LIMCH1: variants seen among roughly 807,000 people sequenced by gnomAD.
LIMCH1 encodes the protein LIM and calponin homology domains-containing protein 1.
Under a neutral mutation model 176.5 loss-of-function variants are expected in LIMCH1, and 113 were observed. The ratio of observed to expected loss-of-function variants is 0.64; its 90% confidence interval spans 0.55 to 0.75. The LOEUF (loss-of-function observed/expected upper bound fraction) is 0.75, where lower values mean the gene tolerates loss of function less well. LIMCH1 is among the 30% of genes least tolerant of loss of function. LIMCH1 has a pLI of 0.00. For missense variants in LIMCH1, 1,674 were observed against 1,814.9 expected, an observed-to-expected ratio of 0.92 and a Z score of 1.41; for synonymous variants, 619 against 645.9, an observed-to-expected ratio of 0.96 and a Z score of 0.63.
chr4:41,460,476 A>G (rs28388275), intron 1 of LIMCH1, among the ~76,000 whole-genome samples: 1,776 of 142,668 alleles, frequency 0.012, 165 homozygotes, highest in African/African-American at 0.044. Flanking sequence ...ATATATATAT[A>G]TATCTTATAA....
At chr4:41,384,361 C>T (rs553901805) in intron 1 of LIMCH1, among the ~76,000 whole-genome samples, 2 of 151,898 alleles carry the variant, frequency 1.3e-5, no homozygotes, top group African/African-American at 2.4e-5. Context: ...CCTGCCACCA[C>T]GCCGGGCTAT....
At chr4:41,397,985 C>T (rs536949169) in intron 1 of LIMCH1, among the ~76,000 whole-genome samples, 2 of 151,890 alleles carry the variant, frequency 1.3e-5, no homozygotes, top group Non-Finnish European at 2.9e-5. Context: ...GTACCCTGCT[C>T]TTTAAGTTAG....
chr4:41,451,515 C>T (rs2154146941), intron 1 of LIMCH1, among the ~76,000 whole-genome samples: 1 of 152,248 alleles, frequency 6.6e-6, no homozygotes, highest in African/African-American at 2.4e-5. Context: ...GTTGCATTTC[C>T]AACTCTTGAG....
intron 1 of LIMCH1, among the ~76,000 whole-genome samples, chr4:41,423,926 G>T (rs1177386661): frequency 6.6e-6 from 1 of 152,036 alleles, no homozygotes; most frequent in African/African-American, 2.4e-5. Context: ...GGTGTTTCAG[G>T]CTGCCAGGGC....
At chr4:41,521,613 C>T (rs574249777) in intron 2 of LIMCH1, among the ~76,000 whole-genome samples, 27 of 152,198 alleles carry the variant, frequency 1.8e-4, no homozygotes, top group African/African-American at 6.0e-4. Context: ...GGCATTTCAA[C>T]AATGTGAATT....
chr4:41,508,339 A>G (rs1307557568), intron 2 of LIMCH1, among the ~76,000 whole-genome samples: 2 of 152,188 alleles, frequency 1.3e-5, no homozygotes, highest in African/African-American at 4.8e-5. Flanking sequence ...GTTTCAGTTG[A>G]GTGGGGTCCT....
rs2094836457 is a variant in LIMCH1, at chr4:41,666,672, G to C, written c.3397+6G>C. ...GCCAAATCTCAATTCTCAAGGTAAA[G>C]AGGACATGTTTTATTTTAGGTCTGC... On this transcript the variant is annotated splice_donor_region_variant and intron_variant, in intron 21 of 31. Transcript: ENST00000503057. 14 of 1,584,680 alleles carry C rather than the reference G, an allele frequency of 8.8e-6. No homozygotes were observed. The East Asian group carries it at 3.1e-4, about 35-fold the overall frequency.
At chr4:41,601,857 T>G (rs1025264754) in intron 2 of LIMCH1, among the ~76,000 whole-genome samples, 1 of 152,072 alleles carries the variant, frequency 6.6e-6, no homozygotes, top group Non-Finnish European at 1.5e-5. Flanking sequence ...CTAAGGTAGT[T>G]AAAGTGGAAC....
At chr4:41,588,233 C>A (rs530446315) in intron 1 of LIMCH1, among the ~76,000 whole-genome samples, 1 of 152,110 alleles carries the variant, frequency 6.6e-6, no homozygotes, top group South Asian at 2.1e-4. Context: ...ACTTTATATT[C>A]TTTTTAAAAA....
intron 1 of LIMCH1, among the ~76,000 whole-genome samples, chr4:41,580,693 G>A (rs2085270290): frequency 2.6e-5 from 4 of 152,080 alleles, no homozygotes; most frequent in Admixed American, 2.6e-4. Context: ...TGAAATTAAA[G>A]GGATAGAATA....
rs201262043 is a variant in LIMCH1 at position 41,545,871 on chromosome 4, AT to A, written c.-241+7530del. Among the ~76,000 whole-genome samples the A allele has an allele frequency of 3.1e-3, 467 of 151,338 alleles. 3 individuals are homozygous for A. Among genetic ancestry groups the A allele is most frequent in the African/African-American group, 0.01 (431 of 41,288 alleles). On this transcript the variant is annotated intron_variant, in intron 1 of 31. Transcript: ENST00000503057. ...CGTTTCATACTTACTTGGCAGTTTA[AT>A]TTTTTTTTGGCCATAGTTTACATGG... is the stretch of plus-strand genomic sequence containing the variant.
At chr4:41,395,374 A>G (rs2154113572) in intron 1 of LIMCH1, among the ~76,000 whole-genome samples, 1 of 151,578 alleles carries the variant, frequency 6.6e-6, no homozygotes, top group South Asian at 2.1e-4. Context: ...CTGGGACTAC[A>G]GGTGCCCACC....
At chr4:41,678,800 G>C (rs536142350) in intron 23 of LIMCH1, among the ~76,000 whole-genome samples, 36 of 152,232 alleles carry the variant, frequency 2.4e-4, no homozygotes, top group Non-Finnish European at 4.6e-4. Flanking sequence ...AGTTCATCCT[G>C]TTGGTGAGGG....
At chr4:41,388,921 G>C (rs1261186423) in intron 1 of LIMCH1, among the ~76,000 whole-genome samples, 2 of 152,202 alleles carry the variant, frequency 1.3e-5, no homozygotes, top group African/African-American at 4.8e-5. Context: ...GGGATTACAG[G>C]CGTGAGCCAC....
chr4:41,588,831 G>A (rs1262087600), intron 1 of LIMCH1, among the ~76,000 whole-genome samples: 1 of 152,178 alleles, frequency 6.6e-6, no homozygotes, highest in African/African-American at 2.4e-5. Flanking sequence ...GAGGAGAGAT[G>A]TCCCATTTCT....
chr4:41,629,688 G>C lies in LIMCH1; in HGVS notation c.1225G>C (p.Ala409Pro). The C allele has an allele frequency of 6.5e-7, 1 of 1,536,080 alleles. No individual in the cohort carries two copies. Among genetic ancestry groups the C allele is most frequent in the Non-Finnish European group, 8.7e-7 (1 of 1,146,890 alleles). The part of the protein sequence containing the change: ...SFITLSNITE[A>P]DLETWERLKV... ...CATTACGCTCTCCAACATAACAGAA[G>C]CTGACTTGGAGACGTGGGAGAGACT... Residue 409 changes from alanine (A) to proline (P), a missense_variant, in exon 9 of 32, where the codon GCT becomes CCT. Physicochemically the swap from Ala to Pro is conservative, Grantham distance 27. Around this residue, in one of 3 missense-constraint regions of LIMCH1, gnomAD observed 655 missense variants for 692.2 expected, o/e 0.95. Coordinates refer to ENST00000503057, the MANE Select transcript of LIMCH1 (RefSeq NM_001330672.2).
chr4:41,625,966 A>G (rs921535783), intron 7 of LIMCH1, among the ~76,000 whole-genome samples: 1 of 152,112 alleles, frequency 6.6e-6, no homozygotes, highest in Non-Finnish European at 1.5e-5. Context: ...TATGAGAGCT[A>G]TGATTGCACC....
In LIMCH1 at chr4:41,528,355, T is replaced by C. The variant is rs183278414; in HGVS notation, c.237+3877T>C. 4.2e-3 allele frequency among the ~76,000 whole-genome samples: 635 copies of C among 152,302 alleles called. 5 individuals are homozygous for C. Among genetic ancestry groups the C allele is most frequent in the African/African-American group, 0.014 (597 of 41,574 alleles). On this transcript the variant is annotated intron_variant, in intron 3 of 26. Transcript: ENST00000313860. ...TTGGTAGGTTTGAAATTTTTCAATA[T>C]AAAAAGTTGAGGATTAAAATACATT...
chr4:41,650,365 T>G (rs1466434253), intron 17 of LIMCH1, 28 bp from the exon 18 acceptor site: 4 of 1,543,530 alleles, frequency 2.6e-6, no homozygotes, highest in East Asian at 4.5e-5. Flanking sequence ...ATATATAGCA[T>G]GTTTTTTGTT....
Sources: allele counts gnomAD v4.1 joint callset (sites outside exome capture counted in the v4.1 genomes callset), GRCh38; gene constraint gnomAD v4.1.1; regional missense constraint gnomAD v4.1.1; transcripts MANE v1.5; gene names NCBI Gene and HGNC (gene_info 2026-07-23, HGNC 2026-07-21).